Variants in RPS6KA6 observed in about 807,000 individuals in gnomAD.
RPS6KA6 encodes ribosomal protein S6 kinase alpha-6.
In RPS6KA6, 27 loss-of-function variants were observed where a neutral mutation model predicts 65.4. The observed-to-expected ratio is 0.41, with a 90% confidence interval of 0.30 to 0.57. The LOEUF is 0.57. RPS6KA6 is among the 20% of genes least tolerant of loss of function. The pLI is 0.24. For synonymous variants in RPS6KA6, 190 were observed against 184.2 expected (o/e 1.03, Z -0.26); for missense variants, 486 against 555.6 (o/e 0.87, Z 1.26).
chrX:84,165,227 G>A (rs976456718), intron 1 of RPS6KA6, among the ~76,000 whole-genome samples: 22 of 109,185 alleles, frequency 2.0e-4, no homozygotes, highest in Admixed American at 2.0e-3. Context: ...ACAGGAAGAC[G>A]AACTAGATAA....
chrX:84,143,859 G>C (rs1444876291), intron 6 of RPS6KA6, among the ~76,000 whole-genome samples: 1 of 111,389 alleles, frequency 9.0e-6, no homozygotes, highest in Non-Finnish European at 1.9e-5. Context: ...GAACAGAACA[G>C]AGTATCCAGA....
At chrX:84,065,327 C>G (rs1602364171) in intron 20 of RPS6KA6, among the ~76,000 whole-genome samples, 1 of 111,207 alleles carries the variant, frequency 9.0e-6, no homozygotes, top group Non-Finnish European at 1.9e-5. Context: ...ACTTTTAAAT[C>G]GGAAGATGCC....
intron 3 of RPS6KA6, among the ~76,000 whole-genome samples, chrX:84,149,218 TCCA>T (rs1052703323): frequency 8.9e-6 from 1 of 111,998 alleles, no homozygotes; most frequent in Admixed American, 9.5e-5. Flanking sequence ...TCTTGCTATT[TCCA>T]CCACATTTTC....
At chrX:84,167,103 T>C (rs934145382) in intron 1 of RPS6KA6, among the ~76,000 whole-genome samples, 1 of 110,776 alleles carries the variant, frequency 9.0e-6, no homozygotes, top group African/African-American at 3.3e-5. Context: ...GGGGAAAATA[T>C]TGAAAGGAGT....
In RPS6KA6 at chrX:84,187,901, TC is replaced by T. The variant is rs1216659153; in HGVS notation, c.-3del. 1 of 1,192,076 alleles carries T rather than the reference TC, an allele frequency of 8.4e-7. No individual in the cohort carries two copies. Among genetic ancestry groups the T allele is most frequent in the Admixed American group, 2.2e-5 (1 of 44,666 alleles). Reference sequence around the variant, plus strand: ...GTCCTGAGGAGCGAATGGTAGCATCTCCCCTTCAGGAGCACTCAAACAGGAG... The same window carrying T: ...GTCCTGAGGAGCGAATGGTAGCATCTCCCTTCAGGAGCACTCAAACAGGAG... On this transcript the variant is annotated 5_prime_UTR_variant, in exon 1 of 22. Transcript: ENST00000262752.
At chrX:84,146,407 G>A (rs896447737) in intron 5 of RPS6KA6, among the ~76,000 whole-genome samples, 19 of 111,721 alleles carry the variant, frequency 1.7e-4, no homozygotes, top group African/African-American at 4.9e-4. Context: ...GTAGATAGAC[G>A]ATAGATAAAT....
chrX:84,072,250 A>G (rs1419510561), intron 20 of RPS6KA6, among the ~76,000 whole-genome samples: 1 of 112,318 alleles, frequency 8.9e-6, no homozygotes, highest in African/African-American at 3.2e-5. Flanking sequence ...GGATGGTTCA[A>G]CACATGCAAA....
At chrX:84,152,187 T>C (rs1445069813) in intron 3 of RPS6KA6, among the ~76,000 whole-genome samples, 13 of 111,148 alleles carry the variant, frequency 1.2e-4, no homozygotes, top group Non-Finnish European at 5.7e-5. Context: ...GTAACCTGTT[T>C]AACACCTGAT....
intron 20 of RPS6KA6, among the ~76,000 whole-genome samples, chrX:84,091,131 A>G (rs1308239619): frequency 8.9e-6 from 1 of 112,128 alleles, no homozygotes; most frequent in African/African-American, 3.2e-5. Flanking sequence ...TTCTAGCTCT[A>G]TAAATCTATA....
At chrX:84,075,598 A>G (rs1038153531) in intron 20 of RPS6KA6, among the ~76,000 whole-genome samples, 27 of 111,504 alleles carry the variant, frequency 2.4e-4, no homozygotes, top group African/African-American at 8.8e-4. Flanking sequence ...TCAAACCCAA[A>G]TCACTCAAAA....
intron 8 of RPS6KA6, among the ~76,000 whole-genome samples, chrX:84,124,604 T>A (rs2034740839): frequency 2.0e-5 from 2 of 102,366 alleles, no homozygotes; most frequent in African/African-American, 3.6e-5. Flanking sequence ...TATTTGAAAA[T>A]ACACAGAGGA....
At chrX:84,141,386 C>G (rs1369305190) in intron 6 of RPS6KA6, among the ~76,000 whole-genome samples, 6 of 101,909 alleles carry the variant, frequency 5.9e-5, no homozygotes, top group African/African-American at 2.1e-4. Flanking sequence ...TACAAGACAA[C>G]AGCAGAGATA....
chrX:84,187,587 G>T (rs1330878562), intron 1 of RPS6KA6: 2 of 311,764 alleles, frequency 6.4e-6, no homozygotes, highest in Non-Finnish European at 1.1e-5. Context: ...CGCCAGGCAG[G>T]CGCTCCGCCC....
At chrX:84,106,623 A>C (rs1407034167) in intron 14 of RPS6KA6, 136 bp from the exon 15 acceptor site, 1 of 501,231 alleles carries the variant, frequency 2.0e-6, no homozygotes, top group African/African-American at 2.4e-5. Flanking sequence ...CGACATTTAT[A>C]AATGGCGTGA....
intron 18 of RPS6KA6, among the ~76,000 whole-genome samples, chrX:84,100,655 T>C (rs2034241549): frequency 9.0e-6 from 1 of 110,925 alleles, no homozygotes; most frequent in African/African-American, 3.3e-5. Flanking sequence ...CTATCTCAAA[T>C]ATTCTGTCCT....
intron 11 of RPS6KA6, 31 bp downstream of exon 11, chrX:84,117,029 C>A (rs1388358325): frequency 2.7e-5 from 25 of 942,654 alleles, no homozygotes; most frequent in Non-Finnish European, 3.4e-5. Flanking sequence ...CATGCAGTTA[C>A]TTCTATAAAA....
rs991286136 is a variant in RPS6KA6 at position 84,187,564 on chromosome X, C to T, written c.81+255G>A. The T allele has an allele frequency of 4.3e-5, 13 of 302,768 alleles. 1 individual carries two copies. The highest frequency in any genetic ancestry group is 5.7e-5 in the Non-Finnish European group (10 of 174,329). The allele number at this position is 302,768 out of a possible 1,213,427, so 25.0% of individuals were successfully genotyped here. A position where few individuals can be genotyped will look rare whatever the true frequency, so the allele number is the denominator to read the frequency against. Reference sequence around the variant, plus strand: ...AAGTGAAGAAACTTAGTCACAACAACTCTGGCGTGGCCCGCCAGGCAGGCG... The same window carrying T: ...AAGTGAAGAAACTTAGTCACAACAATTCTGGCGTGGCCCGCCAGGCAGGCG... On this transcript the variant is annotated intron_variant, in intron 1 of 21. Transcript: ENST00000262752.
chrX:84,139,679 A>G (rs183558067), intron 6 of RPS6KA6, among the ~76,000 whole-genome samples: 1 of 112,210 alleles, frequency 8.9e-6, no homozygotes, highest in East Asian at 2.8e-4. Context: ...TCACCCAATT[A>G]AAATGCTACT....
At position 84,060,993 on chromosome X, in the gene RPS6KA6, GAAGGAAC is replaced by G. The variant is rs952510627; in HGVS notation, c.*3277_*3283del. ...ATCCTGATTTGGGGAAGAGGAAGAG[GAAGGAAC>G]AAGGAGTAAGGATCACACAGAATCC... On this transcript the variant is annotated 3_prime_UTR_variant, in exon 22 of 22. Transcript: ENST00000262752. 1.8e-5 allele frequency: 2 copies of G among 112,375 alleles called. No homozygotes were observed. The highest frequency in any genetic ancestry group is 1.9e-4 in the Admixed American group (2 of 10,604). 9.3% of individuals were successfully genotyped at this position (112,375 alleles called of 1,213,427 possible).
Sources: allele counts gnomAD v4.1 joint callset (sites outside exome capture counted in the v4.1 genomes callset), GRCh38; gene constraint gnomAD v4.1.1; transcripts MANE v1.5; gene names NCBI Gene and HGNC (gene_info 2026-07-23, HGNC 2026-07-21).